SUPT3H: variants seen among roughly 807,000 people sequenced by gnomAD.
The protein encoded by SUPT3H is transcription initiation protein SPT3 homolog.
In SUPT3H, 44 loss-of-function variants were observed where a neutral mutation model predicts 44.3. The ratio of observed to expected loss-of-function variants is 0.99; its 90% CI spans 0.78 to 1.28. The LOEUF is 1.28. SUPT3H is among the 50% of genes most tolerant of loss of function. SUPT3H has a pLI of 0.00. For missense variants in SUPT3H, 380 were observed against 387.1 expected (o/e 0.98, Z 0.15); for synonymous variants, 124 against 125.6 (o/e 0.99, Z 0.09).
chr6:45,030,728 T>C (rs1433648301), intron 3 of SUPT3H, among the ~76,000 whole-genome samples: 1 of 152,172 alleles, frequency 6.6e-6, no homozygotes, highest in Non-Finnish European at 1.5e-5. Flanking sequence ...GTAAGGAAAG[T>C]TGATATCTAA....
intron 2 of SUPT3H, among the ~76,000 whole-genome samples, chr6:45,174,655 C>T (rs532507946): frequency 6.6e-6 from 1 of 152,104 alleles, no homozygotes; most frequent in African/African-American, 2.4e-5. Flanking sequence ...GAGGAACACA[C>T]AGTCTGTAGT....
At position 45,184,982 on chromosome 6, in the gene SUPT3H, G is replaced by A. The variant is rs560073863; in HGVS notation, c.102-78976C>T. Among the ~76,000 whole-genome samples, 16 of 152,194 alleles carry A rather than the reference G, an allele frequency of 1.1e-4. No individual in the cohort carries two copies. The South Asian group carries it at 2.7e-3, about 26-fold the overall frequency. ...ACTCCAAAAATCTCTAACCTATTCC[G>A]TCCTTGCAGGTAGCCTAACTTACCC... On this transcript the variant is annotated intron_variant, in intron 2 of 10. Transcript: ENST00000371459.
intron 2 of SUPT3H, among the ~76,000 whole-genome samples, chr6:45,262,582 T>A (rs1774557229): frequency 6.6e-6 from 1 of 152,070 alleles, no homozygotes; most frequent in Non-Finnish European, 1.5e-5. Context: ...AGCGTACCTA[T>A]CTGGACATCA....
intron 2 of SUPT3H, among the ~76,000 whole-genome samples, chr6:45,116,934 C>A (rs1020008842): frequency 4.6e-5 from 7 of 152,096 alleles, no homozygotes; most frequent in Admixed American, 1.3e-4. Context: ...AGAAACCATA[C>A]ATCCTCTCTA....
At chr6:45,229,186 GT>G (rs1457499910) in intron 2 of SUPT3H, among the ~76,000 whole-genome samples, 2 of 151,916 alleles carry the variant, frequency 1.3e-5, no homozygotes, top group Non-Finnish European at 2.9e-5. Flanking sequence ...ACTGGTTTGG[GT>G]TTTTTAATTT....
At chr6:44,853,148 G>A (rs557126085) in intron 10 of SUPT3H, among the ~76,000 whole-genome samples, 25 of 152,254 alleles carry the variant, frequency 1.6e-4, no homozygotes, top group Non-Finnish European at 2.2e-4. Context: ...CATTTAACAT[G>A]TATTAACTTA....
intron 2 of SUPT3H, among the ~76,000 whole-genome samples, chr6:45,221,271 A>T (rs1220327850): frequency 6.6e-6 from 1 of 152,114 alleles, no homozygotes; most frequent in Non-Finnish European, 1.5e-5. Context: ...ATCTAATGTA[A>T]ATGACGAGTT....
chr6:45,191,599 A>G (rs6919873), intron 2 of SUPT3H, among the ~76,000 whole-genome samples: 35,897 of 152,050 alleles, frequency 0.24, 4,790 homozygotes, highest in Non-Finnish European at 0.31. Flanking sequence ...CTCAACAAAT[A>G]TAATTGAAAC....
intron 2 of SUPT3H, among the ~76,000 whole-genome samples, chr6:45,153,341 T>C (rs541290792): frequency 6.6e-6 from 1 of 152,324 alleles, no homozygotes; most frequent in East Asian, 1.9e-4. Flanking sequence ...CACACAATAA[T>C]GTTAGTTGAA....
intron 6 of SUPT3H, among the ~76,000 whole-genome samples, chr6:44,990,150 G>A (rs1780406025): frequency 6.6e-6 from 1 of 151,858 alleles, no homozygotes; most frequent in African/African-American, 2.4e-5. Context: ...ATCCATCTGA[G>A]TTAATTACGG....
chr6:44,850,687 GTTCA>G (rs1471199304), intron 10 of SUPT3H, among the ~76,000 whole-genome samples: 2 of 151,850 alleles, frequency 1.3e-5, no homozygotes, highest in African/African-American at 4.8e-5. Context: ...CAATTATTTT[GTTCA>G]TTGTCAGTCA....
At chr6:45,310,194 C>G (rs1390235031) in intron 2 of SUPT3H, among the ~76,000 whole-genome samples, 2 of 152,126 alleles carry the variant, frequency 1.3e-5, no homozygotes, top group Non-Finnish European at 2.9e-5. Context: ...CATGACTCGG[C>G]AGAGGCAGCC....
intron 3 of SUPT3H, among the ~76,000 whole-genome samples, chr6:45,049,034 C>T (rs1789862847): frequency 6.6e-6 from 1 of 152,012 alleles, no homozygotes; most frequent in African/African-American, 2.4e-5. Flanking sequence ...GTGCATATGT[C>T]TTCTCACTAC....
intron 3 of SUPT3H, among the ~76,000 whole-genome samples, chr6:45,059,485 T>C (rs1391919060): frequency 1.3e-5 from 2 of 152,156 alleles, no homozygotes; most frequent in Non-Finnish European, 2.9e-5. Context: ...AATATCATAC[T>C]GAATGGGCAA....
chr6:45,079,423 A>AG (rs1337407092), intron 3 of SUPT3H, among the ~76,000 whole-genome samples: 1 of 91,828 alleles, frequency 1.1e-5, no homozygotes, highest in Non-Finnish European at 3.1e-5. Context: ...AGGAAGAAGA[A>AG]GGGGGAAGAG....
In SUPT3H at chr6:44,828,953, G is replaced by A. The variant is rs1768129800; in HGVS notation, c.*863C>T. 1 of 152,602 alleles carries A rather than the reference G, an allele frequency of 6.6e-6. No individual in the cohort carries two copies. Among genetic ancestry groups the A allele is most frequent in the Admixed American group, 6.6e-5 (1 of 15,258 alleles). 9.5% of individuals were successfully genotyped at this position (152,602 alleles called of 1,614,324 possible). On this transcript the variant is annotated 3_prime_UTR_variant, in exon 11 of 11. Transcript: ENST00000371459. ...CTCATTTACTGGAGAAAGTATAGATGCCAGAAGGGTAGCTCGGCTGCTAAC... is the reference window on the plus strand; with the variant it reads ...CTCATTTACTGGAGAAAGTATAGATACCAGAAGGGTAGCTCGGCTGCTAAC...
At chr6:45,242,072 A>G (rs1170586930) in intron 2 of SUPT3H, among the ~76,000 whole-genome samples, 1 of 152,210 alleles carries the variant, frequency 6.6e-6, no homozygotes, top group Non-Finnish European at 1.5e-5. Flanking sequence ...ACTACAGAGC[A>G]AATTTACTTG....
At chr6:45,098,594 T>A (rs1169578837) in intron 3 of SUPT3H, 6 of 333,158 alleles carry the variant, frequency 1.8e-5, no homozygotes, top group African/African-American at 1.3e-4. Context: ...ATCCAGATGA[T>A]CCCCTTGCCA....
intron 9 of SUPT3H, among the ~76,000 whole-genome samples, chr6:44,942,730 G>A (rs1194762147): frequency 6.6e-6 from 1 of 152,048 alleles, no homozygotes; most frequent in African/African-American, 2.4e-5. Flanking sequence ...ATGGCTTTCC[G>A]CAAATCTTTT....
Sources: allele counts gnomAD v4.1 joint callset (sites outside exome capture counted in the v4.1 genomes callset), GRCh38; gene constraint gnomAD v4.1.1; transcripts MANE v1.5; gene names NCBI Gene and HGNC (gene_info 2026-07-23, HGNC 2026-07-21).